CACNA1D: variants seen among roughly 807,000 people sequenced by gnomAD.
CACNA1D encodes the protein calcium voltage-gated channel subunit alpha1 D, also known as voltage-dependent L-type calcium channel subunit alpha-1D.
A neutral mutation model predicts 257.1 loss-of-function variants in CACNA1D; 55 were observed. The ratio of observed to expected loss-of-function variants is 0.21; its 90% CI spans 0.17 to 0.27. The LOEUF is 0.27. Ranked by LOEUF, CACNA1D falls within the 10% of genes least tolerant of loss-of-function variation. The pLI is 1.00. For synonymous variants in CACNA1D, 980 were observed against 1,014.9 expected (o/e 0.97, Z 0.65); for missense variants, 1,876 against 2,784.0 (o/e 0.67, Z 7.34).
At chr3:53,619,079 C>T (rs369092761) in intron 3 of CACNA1D, among the ~76,000 whole-genome samples, 2 of 152,138 alleles carry the variant, frequency 1.3e-5, no homozygotes, top group African/African-American at 2.4e-5. Flanking sequence ...GCAGAAACAA[C>T]GCTGTAAAGT....
intron 3 of CACNA1D, among the ~76,000 whole-genome samples, chr3:53,586,315 T>C (rs1048031888): frequency 1.3e-5 from 2 of 149,864 alleles, no homozygotes; most frequent in Non-Finnish European, 3.0e-5. Context: ...TGTGTGTGTG[T>C]GTGTGCATTC....
intron 3 of CACNA1D, among the ~76,000 whole-genome samples, chr3:53,517,203 TCACTGCAAGGCCCTGAATCCTAATCCC>T (rs1468256330): frequency 1.6e-4 from 1 of 6,394 alleles, no homozygotes; most frequent in Non-Finnish European, 2.6e-4. Context: ...TTCTAATCCC[TCACTGCAAGGCCCTGAATCCTAATCCC>T]TCACTGCAAG....
At chr3:53,713,033 C>T (rs2094776911) in intron 9 of CACNA1D, among the ~76,000 whole-genome samples, 1 of 152,202 alleles carries the variant, frequency 6.6e-6, no homozygotes, top group Non-Finnish European at 1.5e-5. Context: ...GGACATTCTA[C>T]ATGCAGAGCA....
intron 40 of CACNA1D, among the ~76,000 whole-genome samples, chr3:53,792,780 A>G (rs1177323806): frequency 1.3e-5 from 2 of 152,042 alleles, no homozygotes; most frequent in Non-Finnish European, 2.9e-5. Flanking sequence ...TGCCTATGAC[A>G]TTTGCCCTTG....
intron 19 of CACNA1D, 25 bp downstream of exon 19, chr3:53,732,987 C>G: frequency 6.2e-7 from 1 of 1,613,402 alleles, no homozygotes. Flanking sequence ...TCTAGTCTCT[C>G]ACGGCTGCCT....
At chr3:53,737,720 G>T (rs1198602829) in intron 20 of CACNA1D, among the ~76,000 whole-genome samples, 1 of 152,214 alleles carries the variant, frequency 6.6e-6, no homozygotes, top group African/African-American at 2.4e-5. Context: ...CTATGCAGGA[G>T]GCTGAGGCAG....
At chr3:53,691,760 CAT>C (rs576628856) in intron 8 of CACNA1D, among the ~76,000 whole-genome samples, 2 of 38,448 alleles carry the variant, frequency 5.2e-5, no homozygotes, top group African/African-American at 2.4e-4. Flanking sequence ...ATATATATTA[CAT>C]ATAATATATA....
At chr3:53,685,542 G>A (rs1196967480) in intron 8 of CACNA1D, among the ~76,000 whole-genome samples, 9 of 152,104 alleles carry the variant, frequency 5.9e-5, no homozygotes, top group Non-Finnish European at 1.0e-4. Context: ...TTCAGAGCAC[G>A]TGGAACATTC....
intron 3 of CACNA1D, among the ~76,000 whole-genome samples, chr3:53,624,861 A>T (rs1320645390): frequency 6.6e-6 from 1 of 152,170 alleles, no homozygotes; most frequent in Non-Finnish European, 1.5e-5. Context: ...TACCCTGTTG[A>T]TATACTGAGA....
chr3:53,773,125 A>T (rs554693394), intron 33 of CACNA1D, among the ~76,000 whole-genome samples: 1 of 152,376 alleles, frequency 6.6e-6, no homozygotes, highest in Admixed American at 6.5e-5. Flanking sequence ...GAAAAACTGC[A>T]TGTCATGGCA....
chr3:53,703,103 C>T (rs570385803), intron 9 of CACNA1D, among the ~76,000 whole-genome samples: 24 of 152,310 alleles, frequency 1.6e-4, no homozygotes, highest in African/African-American at 5.1e-4. Flanking sequence ...CATTTCTGTG[C>T]GGGCACAGGG....
chr3:53,617,233 C>A (rs2093647228), intron 3 of CACNA1D, among the ~76,000 whole-genome samples: 1 of 152,040 alleles, frequency 6.6e-6, no homozygotes. Context: ...TCCAGAGTCA[C>A]TGTGTGCTCT....
chr3:53,697,615 C>T (rs1207749366), intron 8 of CACNA1D, among the ~76,000 whole-genome samples: 2 of 152,082 alleles, frequency 1.3e-5, no homozygotes, highest in Non-Finnish European at 2.9e-5. Context: ...ATAGAAATAG[C>T]ACAGTGAATA....
intron 26 of CACNA1D, 85 bp from the exon 27 acceptor site, chr3:53,749,183 G>C: frequency 1.1e-6 from 1 of 929,502 alleles, no homozygotes; most frequent in Non-Finnish European, 1.7e-6. Context: ...AGGAGTTCTG[G>C]AGAGGGAGGA....
chr3:53,782,153 A>ATTTCCTT (rs2095428369), intron 39 of CACNA1D, among the ~76,000 whole-genome samples: 1 of 150,680 alleles, frequency 6.6e-6, no homozygotes, highest in South Asian at 2.1e-4. Context: ...AGGCATGCTT[A>ATTTCCTT]TTTCCTTTTG....
At chr3:53,499,496 G>A (rs1328973352) in intron 2 of CACNA1D, among the ~76,000 whole-genome samples, 2 of 152,030 alleles carry the variant, frequency 1.3e-5, no homozygotes, top group Non-Finnish European at 2.9e-5. Context: ...AGTGAGGGAT[G>A]TTCTCCTTAT....
intron 29 of CACNA1D, among the ~76,000 whole-genome samples, chr3:53,756,554 C>T (rs72979925): frequency 0.037 from 5,628 of 152,238 alleles, 337 homozygotes; most frequent in African/African-American, 0.13. Context: ...AGGGAAAGTT[C>T]ACCAGCTGGG....
At chr3:53,731,917 G>A in intron 17 of CACNA1D, 99 bp from the exon 18 acceptor site, 2 of 799,060 alleles carry the variant, frequency 2.5e-6, no homozygotes, top group Non-Finnish European at 4.5e-6. Flanking sequence ...GCTTTGGGGA[G>A]GAATCCATGC....
chr3:53,671,552 C>A (rs923992514), intron 7 of CACNA1D, among the ~76,000 whole-genome samples: 1 of 152,194 alleles, frequency 6.6e-6, no homozygotes, highest in South Asian at 2.1e-4. Flanking sequence ...ATTAGTTTAT[C>A]CAACTTAATT....
Sources: gnomAD v4.1 joint callset for allele counts (sites outside exome capture counted in the v4.1 genomes callset) on GRCh38, gnomAD v4.1.1 for gene constraint, MANE v1.5 for transcripts, NCBI Gene and HGNC (gene_info 2026-07-23, HGNC 2026-07-21) for gene names.